UBFD1: variants seen among roughly 807,000 people sequenced by gnomAD.
UBFD1 encodes ubiquitin family domain containing 1.
A neutral mutation model predicts 35.1 loss-of-function variants in UBFD1; 12 were observed. That is an observed-to-expected ratio of 0.34 (90% CI 0.22 to 0.55). The LOEUF is 0.55. UBFD1 is among the 20% of genes least tolerant of loss of function. The pLI is 0.89. For synonymous variants in UBFD1, 178 were observed against 167.6 expected (o/e 1.06, Z -0.48); for missense variants, 337 against 410.8 (o/e 0.82, Z 1.55).
At chr16:23,558,371 C>A in intron 2 of UBFD1, 92 bp downstream of exon 2, 1 of 1,461,486 alleles carries the variant, frequency 6.8e-7, no homozygotes, top group Non-Finnish European at 9.2e-7. Flanking sequence ...TTCCTTGCAT[C>A]AGGTCCCCCC....
At chr16:23,569,881 A>G (rs537596294) in intron 6 of UBFD1, among the ~76,000 whole-genome samples, 2 of 152,346 alleles carry the variant, frequency 1.3e-5, no homozygotes, top group East Asian at 3.9e-4. Flanking sequence ...TTGGTTCAAC[A>G]TAAGAATCTG....
chr16:23,557,749 G>A lies in UBFD1; in HGVS notation c.7G>A (p.Ala3Thr). MAAAGAPDGMEEP... is the reference protein window; with the variant it reads MATAGAPDGMEEP... ...GGTGTTGTACACAATCATCATGGCG[G>A]CGGCCGGGGCCCCGGATGGTGAGTG... Residue 3 changes from alanine to threonine, a missense_variant, in exon 1 of 7, where the codon GCG becomes ACG. By Grantham distance (58) the Ala-to-Thr change is moderately conservative. Coordinates refer to ENST00000395878, the MANE Select transcript of UBFD1 (RefSeq NM_019116.3). The A allele has an allele frequency of 1.5e-6, 2 of 1,311,420 alleles. No individual in the cohort carries two copies. Among genetic ancestry groups the A allele is most frequent in the Non-Finnish European group, 1.9e-6 (2 of 1,029,414 alleles). 81.2% of individuals were successfully genotyped at this position (1,311,420 alleles called of 1,614,324 possible).
intron 5 of UBFD1, chr16:23,565,881 T>G (rs1966003385): frequency 9.4e-6 from 1 of 106,336 alleles, no homozygotes; most frequent in Non-Finnish European, 1.7e-5. Flanking sequence ...GTCCCTGAGG[T>G]GTCTGCTGCT....
rs148058283 is a variant in UBFD1, at chr16:23,572,801, T to C, written c.*2211T>C. 180 of 152,784 alleles carry C rather than the reference T, an allele frequency of 1.2e-3. 1 individual carries two copies. Among genetic ancestry groups the C allele is most frequent in the African/African-American group, 3.7e-3 (154 of 41,586 alleles). 9.5% of individuals were successfully genotyped at this position (152,784 alleles called of 1,614,324 possible). A position where few individuals can be genotyped will look rare whatever the true frequency, so the allele number is the denominator to read the frequency against. On this transcript the variant is annotated 3_prime_UTR_variant, in exon 7 of 7. Transcript: ENST00000395878. ...TCGAGATACTATATATAAATAATAA[T>C]GTAAATGACACCTTTTCGTACGGAG...
In UBFD1 at chr16:23,573,600, T is replaced by C. The variant is rs1458621279; in HGVS notation, c.*3010T>C. ...GTTGAACTGAGCTAAGGATGCACTT[T>C]CTTGTGGACATAGAAGGGGCCCACG... On this transcript the variant is annotated 3_prime_UTR_variant, in exon 7 of 7. Coordinates refer to ENST00000395878, the MANE Select transcript of UBFD1 (RefSeq NM_019116.3). 6.6e-6 allele frequency: 1 copy of C among 152,622 alleles called. No homozygotes were observed. The highest frequency in any genetic ancestry group is 1.5e-5 in the Non-Finnish European group (1 of 68,040). The allele number at this position is 152,622 out of a possible 1,614,324, so 9.5% of individuals were successfully genotyped here.
intron 1 of UBFD1, 75 bp from the exon 2 acceptor site, chr16:23,557,875 G>A (rs1232378934): frequency 7.9e-7 from 1 of 1,270,468 alleles, no homozygotes; most frequent in Non-Finnish European, 9.9e-7. Flanking sequence ...GGGAACGGAG[G>A]TCCGGCGGCG....
chr16:23,564,478 A>G (rs549753883), intron 5 of UBFD1: 1 of 152,294 alleles, frequency 6.6e-6, no homozygotes, highest in East Asian at 1.9e-4. Flanking sequence ...CTGCTAGATC[A>G]TTCTCTTCTG....
intron 5 of UBFD1, among the ~76,000 whole-genome samples, chr16:23,563,393 T>C (rs1188448382): frequency 1.3e-5 from 2 of 151,902 alleles, no homozygotes; most frequent in Non-Finnish European, 2.9e-5. Flanking sequence ...TGGATCAGCC[T>C]TGCTGTTTGC....
At chr16:23,558,670 A>G (rs1247749495) in intron 2 of UBFD1, among the ~76,000 whole-genome samples, 3 of 152,214 alleles carry the variant, frequency 2.0e-5, no homozygotes, top group Non-Finnish European at 4.4e-5. Context: ...TTCTAAGTGA[A>G]GTTTAGGAAA....
rs556026699 is a variant in UBFD1, at chr16:23,572,732, G to T, written c.*2142G>T. ...TCATTTCAGGAGGACCAAAGCCTGC[G>T]TGAGCCTTTTTATTTTCAGTAAAAT... On this transcript the variant is annotated 3_prime_UTR_variant, in exon 7 of 7. Transcript: ENST00000395878. 2.0e-4 allele frequency: 31 copies of T among 153,704 alleles called. No homozygotes were observed. Among genetic ancestry groups the T allele is most frequent in the African/African-American group, 7.5e-4 (31 of 41,580 alleles). 9.5% of individuals were successfully genotyped at this position (153,704 alleles called of 1,614,324 possible).
At position 23,557,740 on chromosome 16, in the gene UBFD1, A is replaced by G. The variant is rs762197914; in HGVS notation, c.-3A>G. The G allele has an allele frequency of 2.3e-6, 3 of 1,323,298 alleles. No individual in the cohort carries two copies. In the African/African-American group the frequency reaches 4.6e-5, roughly 20 times the overall value. 82.0% of individuals were successfully genotyped at this position (1,323,298 alleles called of 1,614,324 possible). A position where few individuals can be genotyped will look rare whatever the true frequency, so the allele number is the denominator to read the frequency against. ...GGAGCGGTGGGTGTTGTACACAATC[A>G]TCATGGCGGCGGCCGGGGCCCCGGA... On this transcript the variant is annotated 5_prime_UTR_variant, in exon 1 of 7. Coordinates refer to ENST00000395878, the MANE Select transcript of UBFD1 (RefSeq NM_019116.3).
At chr16:23,558,396 C>T (rs1965861867) in intron 2 of UBFD1, 117 bp downstream of exon 2, 1 of 1,273,100 alleles carries the variant, frequency 7.9e-7, no homozygotes, top group Admixed American at 3.2e-5. Context: ...TTACAGCAGT[C>T]TTCTGAAGGA....
intron 5 of UBFD1, 103 bp downstream of exon 5, chr16:23,562,833 T>A: frequency 1.0e-6 from 1 of 986,736 alleles, no homozygotes; most frequent in Non-Finnish European, 1.6e-6. Context: ...GAAACCTCTC[T>A]CTCCACTGTG....
At chr16:23,563,731 C>G (rs1047757417) in intron 5 of UBFD1, among the ~76,000 whole-genome samples, 3 of 152,184 alleles carry the variant, frequency 2.0e-5, no homozygotes, top group African/African-American at 7.2e-5. Context: ...AATTTTGGTT[C>G]CAGCTTCTGG....
At chr16:23,564,958 C>T (rs559604817) in intron 5 of UBFD1, 1 of 152,310 alleles carries the variant, frequency 6.6e-6, no homozygotes, top group Admixed American at 6.5e-5. Context: ...CCTTACTCAC[C>T]AGTCTTGTTG....
At chr16:23,560,923 A>C (rs1965923764) in intron 3 of UBFD1, among the ~76,000 whole-genome samples, 1 of 152,212 alleles carries the variant, frequency 6.6e-6, no homozygotes. Flanking sequence ...GAAATAGTGA[A>C]ATGTGAGCAC....
intron 2 of UBFD1, 34 bp downstream of exon 2, chr16:23,558,313 C>T (rs1375612309): frequency 6.3e-7 from 1 of 1,593,038 alleles, no homozygotes; most frequent in East Asian, 2.4e-5. Context: ...CAGTCTTCCC[C>T]ACCCCGCCTC....
rs1966073229 is a variant in UBFD1, at chr16:23,570,837, A to G, written c.*247A>G. ...ACCATTTTTAAAGTCAATACGATGGAAATCAATAAATCTGAATTCCGAACA... is the reference window on the plus strand; with the variant it reads ...ACCATTTTTAAAGTCAATACGATGGGAATCAATAAATCTGAATTCCGAACA... On this transcript the variant is annotated 3_prime_UTR_variant, in exon 7 of 7. Transcript: ENST00000395878. 6.3e-6 allele frequency: 2 copies of G among 319,892 alleles called. No homozygotes were observed. The highest frequency in any genetic ancestry group is 4.3e-5 in the African/African-American group (2 of 46,698). 19.8% of individuals were successfully genotyped at this position (319,892 alleles called of 1,614,324 possible). A position where few individuals can be genotyped will look rare whatever the true frequency, so the allele number is the denominator to read the frequency against.
At chr16:23,564,565 T>C (rs1030558126) in intron 5 of UBFD1, 5 of 152,234 alleles carry the variant, frequency 3.3e-5, no homozygotes, top group African/African-American at 1.2e-4. Flanking sequence ...TTTGCTTAGT[T>C]CTGTCTCATC....
Sources: gnomAD v4.1 joint callset for allele counts (sites outside exome capture counted in the v4.1 genomes callset) on GRCh38, gnomAD v4.1.1 for gene constraint, MANE v1.5 for transcripts, NCBI Gene and HGNC (gene_info 2026-07-23, HGNC 2026-07-21) for gene names.